Variants in SLIT2 observed in about 807,000 individuals in gnomAD.
SLIT2 encodes slit guidance ligand 2.
Under a neutral mutation model 185.7 loss-of-function variants are expected in SLIT2, and 41 were observed. That is an observed-to-expected ratio of 0.22 (90% confidence interval 0.17 to 0.29). The LOEUF (loss-of-function observed/expected upper bound fraction) is 0.29, where lower values mean the gene tolerates loss of function less well. Among genes scored for constraint, SLIT2 ranks in the 10% least tolerant of loss-of-function variants. The pLI is 1.00. For missense variants in SLIT2, 1,571 were observed against 1,909.0 expected, an observed-to-expected ratio of 0.82 and a Z score of 3.30; for synonymous variants, 693 against 680.2, an observed-to-expected ratio of 1.02 and a Z score of -0.29.
rs1727996672 is a variant in SLIT2, at chr4:20,596,535, T to C, written c.3441T>C (p.Cys1147=). Residue 1147 remains cysteine, a synonymous_variant, in exon 32 of 37, where the codon TGT becomes TGC. Coordinates refer to ENST00000504154, the MANE Select transcript of SLIT2 (RefSeq NM_004787.4). ...IVRINEPICQ[C]LPGYQGEKCE... is the part of the protein sequence containing the mutation. The stretch of plus-strand genomic sequence containing the variant: ...GAATAAATGAGCCAATATGTCAGTG[T>C]TTGCCTGGCTATCAGGGAGAAAAGT... The C allele has an allele frequency of 1.2e-6, 2 of 1,614,008 alleles. No homozygotes were observed. The highest frequency in any genetic ancestry group is 2.7e-5 in the African/African-American group (2 of 74,908).
Position 20,472,296 on chromosome 4 carries a change from A to C in SLIT2, c.467+4473A>C, listed in dbSNP as rs755424182. Among the ~76,000 whole-genome samples, 30 of 19,640 alleles carry C rather than the reference A, an allele frequency of 1.5e-3. 1 individual carries two copies. Among genetic ancestry groups the C allele is most frequent in the African/African-American group, 6.5e-3 (18 of 2,784 alleles). The allele number at this position is 19,640 out of a possible 152,430, so 12.9% of individuals were successfully genotyped here. On this transcript the variant is annotated intron_variant, in intron 5 of 36. Transcript: ENST00000504154. Reference sequence around the variant, plus strand: ...TATATCTATATATATAGATATATAGATATATAGATCTATATATAGATATAT... The same window carrying C: ...TATATCTATATATATAGATATATAGCTATATAGATCTATATATAGATATAT...
At chr4:20,597,960 C>T (rs1472020190) in intron 32 of SLIT2, among the ~76,000 whole-genome samples, 1 of 152,154 alleles carries the variant, frequency 6.6e-6, no homozygotes, top group Non-Finnish European at 1.5e-5. Flanking sequence ...ATAAATAAAG[C>T]TTATAACGGG....
intron 18 of SLIT2, among the ~76,000 whole-genome samples, chr4:20,537,190 T>A (rs969236571): frequency 6.6e-6 from 1 of 152,236 alleles, no homozygotes; most frequent in Non-Finnish European, 1.5e-5. Context: ...TGGAGTATTA[T>A]GTGCTGTACA....
At chr4:20,483,916 A>G (rs1406157898) in intron 6 of SLIT2, among the ~76,000 whole-genome samples, 1 of 152,114 alleles carries the variant, frequency 6.6e-6, no homozygotes, top group Non-Finnish European at 1.5e-5. Context: ...ATTTATTATT[A>G]ATTTTAAAAA....
chr4:20,515,911 A>G (rs1828539), intron 11 of SLIT2, among the ~76,000 whole-genome samples: 65,562 of 151,998 alleles, frequency 0.43, 14,621 homozygotes, highest in African/African-American at 0.56. Flanking sequence ...CGCCTCCCAG[A>G]TGCAACTGAT....
chr4:20,567,438 T>A, intron 27 of SLIT2, 52 bp downstream of exon 27: 1 of 1,611,946 alleles, frequency 6.2e-7, no homozygotes, highest in Non-Finnish European at 8.5e-7. Flanking sequence ...CTTTTCTTGG[T>A]GTGCCTTTAT....
chr4:20,537,951 AATTTTTATCTATTT>A (rs1722446101), intron 18 of SLIT2, among the ~76,000 whole-genome samples: 1 of 151,816 alleles, frequency 6.6e-6, no homozygotes, highest in South Asian at 2.1e-4. Context: ...TCTTTTTTAA[AATTTTTATCTATTT>A]ATTTATTTAT....
At chr4:20,612,148 A>G (rs1301398771) in intron 34 of SLIT2, among the ~76,000 whole-genome samples, 4 of 149,876 alleles carry the variant, frequency 2.7e-5, no homozygotes, top group African/African-American at 9.8e-5. Flanking sequence ...GAGGCTGAGG[A>G]GGGAGGATCA....
At chr4:20,264,070 G>A (rs1481927739) in intron 3 of SLIT2, among the ~76,000 whole-genome samples, 1 of 151,764 alleles carries the variant, frequency 6.6e-6, no homozygotes, top group Admixed American at 6.6e-5. Context: ...GGGAAGTAAG[G>A]GGATAAAAGA....
chr4:20,600,304 A>C (rs1484614845), intron 33 of SLIT2, among the ~76,000 whole-genome samples: 1 of 152,064 alleles, frequency 6.6e-6, no homozygotes, highest in Non-Finnish European at 1.5e-5. Flanking sequence ...GATTATATCC[A>C]AACAAGGACC....
At chr4:20,536,662 G>A (rs1208285024) in intron 18 of SLIT2, among the ~76,000 whole-genome samples, 2 of 150,480 alleles carry the variant, frequency 1.3e-5, no homozygotes, top group Non-Finnish European at 2.9e-5. Context: ...ATTAAGGTTA[G>A]CTTACTGTGA....
intron 9 of SLIT2, among the ~76,000 whole-genome samples, chr4:20,509,069 A>G (rs1719467634): frequency 6.6e-6 from 1 of 151,902 alleles, no homozygotes. Context: ...ACCAACGTTC[A>G]ATAAAAATGA....
intron 4 of SLIT2, among the ~76,000 whole-genome samples, chr4:20,447,173 A>G (rs969971867): frequency 1.3e-5 from 2 of 152,212 alleles, no homozygotes; most frequent in Admixed American, 1.3e-4. Context: ...TATCCATAAG[A>G]TTCTGACTTC....
At chr4:20,573,217 G>A (rs773912896) in intron 29 of SLIT2, 4 of 702,882 alleles carry the variant, frequency 5.7e-6, no homozygotes, top group South Asian at 3.0e-5. Flanking sequence ...TGTCTCTTCT[G>A]TCTTTGTCGC....
chr4:20,331,222 A>G (rs1050316738), intron 4 of SLIT2, among the ~76,000 whole-genome samples: 6 of 152,184 alleles, frequency 3.9e-5, no homozygotes, highest in African/African-American at 1.4e-4. Context: ...GAAAAAACAG[A>G]GAAATAAATT....
chr4:20,435,857 A>G (rs983141542), intron 4 of SLIT2, among the ~76,000 whole-genome samples: 2 of 152,192 alleles, frequency 1.3e-5, no homozygotes, highest in Non-Finnish European at 2.9e-5. Flanking sequence ...CAATGTAGAT[A>G]TTGTGCAGAT....
intron 15 of SLIT2, among the ~76,000 whole-genome samples, chr4:20,526,928 T>C (rs1306324590): frequency 6.6e-6 from 1 of 152,208 alleles, no homozygotes; most frequent in African/African-American, 2.4e-5. Context: ...AGTGTACCTG[T>C]CACTTAGACT....
At position 20,511,587 on chromosome 4, in the gene SLIT2, A is replaced by ATTTTTTTTTTTTATT. The variant is rs1553915354; in HGVS notation, c.1058+462_1058+463insATTTTTTTTTTTTTT. Reference sequence around the variant, plus strand: ...AGGCGCCTGCCACCACATCCAGCTAATTTTTTTTTTTTTTTTATTTTTGGT... The same window carrying ATTTTTTTTTTTTATT: ...AGGCGCCTGCCACCACATCCAGCTAATTTTTTTTTTTTATTTTTTTTTTTTTTTTTTATTTTTGGT... On this transcript the variant is annotated intron_variant, in intron 11 of 36. Coordinates refer to ENST00000504154, the MANE Select transcript of SLIT2 (RefSeq NM_004787.4). Among the ~76,000 whole-genome samples, 150 of 82,210 alleles carry ATTTTTTTTTTTTATT rather than the reference A, an allele frequency of 1.8e-3. 5 individuals are homozygous for ATTTTTTTTTTTTATT. In the East Asian group the frequency reaches 0.056, roughly 31 times the overall value. 53.9% of individuals were successfully genotyped at this position (82,210 alleles called of 152,430 possible).
chr4:20,542,462 C>T (rs1181389248), intron 20 of SLIT2, 32 bp from the exon 21 acceptor site: 1 of 1,610,534 alleles, frequency 6.2e-7, no homozygotes, highest in Non-Finnish European at 8.5e-7. Context: ...GACCACAAAT[C>T]TTGGTTTTCC....
Sources: gnomAD v4.1 joint callset for allele counts (sites outside exome capture counted in the v4.1 genomes callset) on GRCh38, gnomAD v4.1.1 for gene constraint, MANE v1.5 for transcripts, NCBI Gene and HGNC (gene_info 2026-07-23, HGNC 2026-07-21) for gene names.